CENPV: variants seen among roughly 807,000 people sequenced by gnomAD.
CENPV encodes the protein centromere protein V.
In CENPV, 15 loss-of-function variants were observed where a neutral mutation model predicts 26.4. The ratio of observed to expected loss-of-function variants is 0.57; its 90% confidence interval spans 0.38 to 0.88. CENPV has a LOEUF of 0.88. Ranked by LOEUF, CENPV falls within the 40% of genes least tolerant of loss-of-function variation. The probability of loss-of-function intolerance (pLI) is 0.00; values close to 1 mark genes in which losing one functional copy is unlikely to be tolerated. For missense variants in CENPV, 336 were observed against 376.5 expected (o/e 0.89, Z 0.89); for synonymous variants, 172 against 165.5 (o/e 1.04, Z -0.30).
intron 1 of CENPV, chr17:16,351,896 G>C (rs2142903217): frequency 6.6e-6 from 1 of 152,242 alleles, no homozygotes; most frequent in African/African-American, 2.4e-5. Flanking sequence ...CCCAGAGGCA[G>C]CCGTCACCCT....
At chr17:16,349,642 G>A (rs757798759) in intron 2 of CENPV, 16 of 1,145,154 alleles carry the variant, frequency 1.4e-5, no homozygotes, top group Middle Eastern at 3.8e-4. Context: ...GCAGCTAACC[G>A]CCCCCGGCTC....
intron 3 of CENPV, among the ~76,000 whole-genome samples, chr17:16,345,233 G>C (rs575400203): frequency 7.0e-6 from 1 of 142,218 alleles, no homozygotes; most frequent in Non-Finnish European, 1.5e-5. Context: ...CGGCACTCCA[G>C]CCTGGGCAAC....
At chr17:16,349,178 C>T (rs1600906961) in intron 2 of CENPV, 11 of 989,594 alleles carry the variant, frequency 1.1e-5, no homozygotes, top group Non-Finnish European at 1.3e-5. Context: ...CTTTTCAGGC[C>T]ACCTTTGAAA....
rs765959647 is a variant in CENPV, at chr17:16,348,666, T to G, written c.529A>C (p.Lys177Gln). ...GGAACAATGAAGTGTCTATTCTGCT[T>G]CTTCTTGCAAATGCTGCAACTACAG... ...FDCNCSICKKKQNRHFIVPAS... is the reference protein window; with the variant it reads ...FDCNCSICKKQQNRHFIVPAS... The change falls in exon 3 of 5, where the codon AAG (lysine) becomes CAG (glutamine). Residue 177 changes from lysine to glutamine, a missense_variant. Transcript: ENST00000299736. The G allele has an allele frequency of 1.9e-6, 3 of 1,614,062 alleles. No individual in the cohort carries two copies. The highest frequency in any genetic ancestry group is 1.1e-5 in the South Asian group (1 of 91,078).
intron 4 of CENPV, among the ~76,000 whole-genome samples, chr17:16,343,795 CCAT>C (rs1014634799): frequency 5.3e-5 from 8 of 151,446 alleles, no homozygotes; most frequent in African/African-American, 1.2e-4. Flanking sequence ...CTCCCCACCA[CCAT>C]AAGGCAAAAG....
intron 2 of CENPV, chr17:16,349,076 CCT>C: frequency 2.0e-6 from 2 of 993,234 alleles, no homozygotes; most frequent in South Asian, 4.6e-5. Context: ...TTTAGGTTTC[CCT>C]CTTTCTTCAT....
chr17:16,349,527 GGT>G, intron 2 of CENPV: 1 of 990,040 alleles, frequency 1.0e-6, no homozygotes, highest in Non-Finnish European at 1.2e-6. Context: ...GGAGCCTCCA[GGT>G]GTATACACCC....
In CENPV at chr17:16,351,974, C is replaced by A. The variant is rs1009384082; in HGVS notation, c.410+1053G>T. Among the ~76,000 whole-genome samples, 5 of 152,108 alleles carry A rather than the reference C, an allele frequency of 3.3e-5. 1 individual carries two copies. The highest frequency in any genetic ancestry group is 1.2e-4 in the African/African-American group (5 of 41,414). On this transcript the variant is annotated intron_variant, in intron 1 of 4. Transcript: ENST00000299736. The stretch of plus-strand genomic sequence containing the variant: ...TCAGTGTGCAGTCCAAGATGAAAAA[C>A]CAAAAAGTGAAGCACACAGAAAACC...
intron 1 of CENPV, chr17:16,351,477 T>G (rs1426229041): frequency 1.3e-5 from 2 of 152,224 alleles, no homozygotes; most frequent in African/African-American, 4.8e-5. Flanking sequence ...TGTATTTTAA[T>G]TTTTTCTGCA....
chr17:16,346,398 GAGA>G (rs902333617), intron 3 of CENPV, among the ~76,000 whole-genome samples: 2 of 152,158 alleles, frequency 1.3e-5, no homozygotes, highest in Non-Finnish European at 2.9e-5. Context: ...TCCAACTTTT[GAGA>G]AGAATGAGAC....
intron 3 of CENPV, 91 bp from the exon 4 acceptor site, chr17:16,344,802 C>T: frequency 1.5e-6 from 1 of 683,862 alleles, no homozygotes; most frequent in Non-Finnish European, 2.2e-6. Flanking sequence ...ACAGAGTCTC[C>T]CACTGTCTCT....
At chr17:16,349,784 A>C (rs770767827) in intron 2 of CENPV, 147 bp downstream of exon 2, 78 of 1,444,296 alleles carry the variant, frequency 5.4e-5, no homozygotes, top group Non-Finnish European at 6.9e-5. Flanking sequence ...AGAACAATGA[A>C]CCTTTCTGTC....
chr17:16,348,337 A>T, intron 3 of CENPV: 1 of 474,312 alleles, frequency 2.1e-6, no homozygotes, highest in Non-Finnish European at 3.1e-6. Flanking sequence ...TTGTATTTTT[A>T]GTAGAGATAG....
At chr17:16,346,731 A>G (rs949478462) in intron 3 of CENPV, among the ~76,000 whole-genome samples, 5 of 152,146 alleles carry the variant, frequency 3.3e-5, no homozygotes, top group African/African-American at 9.6e-5. Flanking sequence ...AGCCTGGGCA[A>G]CAGAGTGAGA....
chr17:16,350,812 C>G (rs191349766), intron 1 of CENPV: 7 of 152,150 alleles, frequency 4.6e-5, no homozygotes, highest in Non-Finnish European at 7.4e-5. Flanking sequence ...TGTACTCAAT[C>G]AAGTCCAGAG....
At chr17:16,343,030 G>A in intron 4 of CENPV, 89 bp from the exon 5 acceptor site, 1 of 1,461,276 alleles carries the variant, frequency 6.8e-7, no homozygotes, top group Non-Finnish European at 9.5e-7. Context: ...CCCACCTGCA[G>A]GCATCATCAC....
In CENPV at chr17:16,342,838, G is replaced by C. The variant is rs547635883; in HGVS notation, c.798C>G (p.Ile266Met). ...WEKAMKEHKTIKNMSKE is the reference protein window; with the variant it reads ...WEKAMKEHKTMKNMSKE ...AAGCTCACTCTTTAGACATGTTCTT[G>C]ATGGTCTTGTGCTCTTTCATGGCCT... The change falls in exon 5 of 5, where the codon ATC becomes ATG. Residue 266 changes from isoleucine (I) to methionine (M), a missense_variant. Ile to Met is a conservative substitution (Grantham distance 10). This residue lies in a region of CENPV where 155 missense variants were observed against 227.8 expected (regional missense o/e 0.68). Transcript: ENST00000299736. The C allele has an allele frequency of 6.2e-7, 1 of 1,614,100 alleles. No individual in the cohort carries two copies. Among genetic ancestry groups the C allele is most frequent in the Admixed American group, 1.7e-5 (1 of 59,996 alleles).
intron 1 of CENPV, among the ~76,000 whole-genome samples, chr17:16,351,981 G>A (rs963776143): frequency 3.3e-5 from 5 of 152,144 alleles, no homozygotes; most frequent in Non-Finnish European, 7.4e-5. Flanking sequence ...AAACCAAAAA[G>A]TGAAGCACAC....
chr17:16,342,616 T>G lies in CENPV; in HGVS notation c.*201A>C. 1 of 560,464 alleles carries G rather than the reference T, an allele frequency of 1.8e-6. No homozygotes were observed. 34.7% of individuals were successfully genotyped at this position (560,464 alleles called of 1,614,324 possible). On this transcript the variant is annotated 3_prime_UTR_variant, in exon 5 of 5. Transcript: ENST00000299736. ...AGAGAAGGATGTCAATTAGACTACA[T>G]CAAAATCTGGGCAGAGGGAGGACAA...
Sources: allele counts gnomAD v4.1 joint callset (sites outside exome capture counted in the v4.1 genomes callset), GRCh38; gene constraint gnomAD v4.1.1; regional missense constraint gnomAD v4.1.1; transcripts MANE v1.5; gene names NCBI Gene and HGNC (gene_info 2026-07-23, HGNC 2026-07-21).